EYA2: variants seen among roughly 807,000 people sequenced by gnomAD.
EYA2 encodes EYA transcriptional coactivator and phosphatase 2.
In EYA2, 31 loss-of-function variants were observed where a neutral mutation model predicts 69.2. The observed-to-expected ratio is 0.45, with a 90% CI of 0.34 to 0.60. The LOEUF is 0.60. Ranked by LOEUF, EYA2 falls within the 20% of genes least tolerant of loss-of-function variation. The probability of loss-of-function intolerance (pLI) is 0.02; values close to 1 mark genes in which losing one functional copy is unlikely to be tolerated. For missense variants in EYA2, 622 were observed against 701.2 expected, an observed-to-expected ratio of 0.89 and a Z score of 1.28; for synonymous variants, 257 against 279.4, an observed-to-expected ratio of 0.92 and a Z score of 0.80.
chr20:46,912,318 T>C (rs1431105417), intron 1 of EYA2, among the ~76,000 whole-genome samples: 4 of 152,242 alleles, frequency 2.6e-5, no homozygotes, highest in Non-Finnish European at 5.9e-5. Context: ...CCTAGGCTAG[T>C]ACTGTGTACG....
chr20:47,182,628 T>TCAAAAAAAAAAAAAAAAAAAAA lies in EYA2; in HGVS notation c.1436-663_1436-662insCAAAAAAAAAAAAAAAAAAAAA, dbSNP rs779945744. The stretch of plus-strand genomic sequence containing the variant: ...TGGGCAACAAGAACGAGACTCCGTC[T>TCAAAAAAAAAAAAAAAAAAAAA]AAAAAAAAAAAAAAAAGGTTAAGAT... On this transcript the variant is annotated intron_variant, in intron 14 of 15. Transcript: ENST00000327619. 1.2e-4 allele frequency among the ~76,000 whole-genome samples: 10 copies of TCAAAAAAAAAAAAAAAAAAAAA among 84,340 alleles called. 2 individuals carry two copies. Among genetic ancestry groups the TCAAAAAAAAAAAAAAAAAAAAA allele is most frequent in the Non-Finnish European group, 1.3e-4 (6 of 47,642 alleles). The allele number at this position is 84,340 out of a possible 152,430, so 55.3% of individuals were successfully genotyped here.
intron 5 of EYA2, among the ~76,000 whole-genome samples, chr20:47,058,404 A>AG (rs893325673): frequency 3.9e-5 from 6 of 152,228 alleles, no homozygotes; most frequent in Non-Finnish European, 8.8e-5. Flanking sequence ...ACTCTATCCC[A>AG]GGTCCCACTA....
chr20:47,142,434 A>G (rs1259109448), intron 9 of EYA2, among the ~76,000 whole-genome samples: 1 of 152,250 alleles, frequency 6.6e-6, no homozygotes, highest in Non-Finnish European at 1.5e-5. Context: ...TCTTGATGAC[A>G]GTTTCATATC....
chr20:46,917,795 G>A (rs1457191785), intron 1 of EYA2, among the ~76,000 whole-genome samples: 2 of 152,200 alleles, frequency 1.3e-5, no homozygotes, highest in Non-Finnish European at 1.5e-5. Flanking sequence ...AGCCTTTAGC[G>A]AGTTGTAGTC....
chr20:47,085,257 G>A (rs2031858275), intron 7 of EYA2, among the ~76,000 whole-genome samples: 1 of 152,100 alleles, frequency 6.6e-6, no homozygotes, highest in East Asian at 1.9e-4. Flanking sequence ...AGCCTTATTA[G>A]AACTGAAAAC....
At chr20:47,124,379 G>A (rs1034286785) in intron 9 of EYA2, among the ~76,000 whole-genome samples, 5 of 152,156 alleles carry the variant, frequency 3.3e-5, no homozygotes, top group Admixed American at 1.3e-4. Flanking sequence ...TATACATATA[G>A]TATCTTTTAA....
chr20:46,952,960 A>G (rs1294744219), intron 1 of EYA2, among the ~76,000 whole-genome samples: 1 of 152,230 alleles, frequency 6.6e-6, no homozygotes, highest in South Asian at 2.1e-4. Flanking sequence ...TTCCTGAAAC[A>G]TTCCTATTTC....
At chr20:47,106,948 A>G (rs143347762) in intron 9 of EYA2, among the ~76,000 whole-genome samples, 36 of 152,196 alleles carry the variant, frequency 2.4e-4, no homozygotes, top group African/African-American at 8.4e-4. Context: ...AGCGAACTGG[A>G]GTAGAAGGGA....
chr20:47,091,912 G>A (rs753391178), intron 8 of EYA2, among the ~76,000 whole-genome samples: 25 of 152,136 alleles, frequency 1.6e-4, no homozygotes, highest in East Asian at 3.8e-4. Flanking sequence ...CCTGTCCTTC[G>A]GTGTCCGATT....
chr20:47,005,493 G>T lies in EYA2; in HGVS notation c.298+409G>T, dbSNP rs116352116. Among the ~76,000 whole-genome samples the T allele has an allele frequency of 5.6e-3, 852 of 152,316 alleles. 10 individuals carry two copies. Among genetic ancestry groups the T allele is most frequent in the African/African-American group, 0.019 (797 of 41,584 alleles). On this transcript the variant is annotated intron_variant, in intron 4 of 15. Transcript: ENST00000327619. ...GATGGTGCCTGTCCACTCAAGGTTT[G>T]CATCCTTTTATCTCTGCATGCCCAG...
chr20:47,058,464 C>T (rs2030739719), intron 5 of EYA2, among the ~76,000 whole-genome samples: 2 of 152,198 alleles, frequency 1.3e-5, no homozygotes, highest in Middle Eastern at 3.4e-3. Context: ...GGTGCGAGGG[C>T]GTTTATGGCA....
intron 2 of EYA2, among the ~76,000 whole-genome samples, chr20:46,998,909 T>A (rs1475462249): frequency 6.6e-6 from 1 of 152,204 alleles, no homozygotes; most frequent in African/African-American, 2.4e-5. Context: ...TGTTTCTCGC[T>A]TGCACAGTCT....
chr20:46,953,849 A>G (rs1600576653), intron 1 of EYA2, among the ~76,000 whole-genome samples: 1 of 152,184 alleles, frequency 6.6e-6, no homozygotes, highest in Non-Finnish European at 1.5e-5. Context: ...AAGTAGGAGC[A>G]AAGGAGCTCT....
At chr20:46,953,942 C>T (rs1362583276) in intron 1 of EYA2, among the ~76,000 whole-genome samples, 1 of 152,222 alleles carries the variant, frequency 6.6e-6, no homozygotes, top group Non-Finnish European at 1.5e-5. Context: ...GCCTACAAGG[C>T]CCTGTGTGAG....
rs191445414 is a variant in EYA2 at position 47,072,271 on chromosome 20, C to A, written c.483+19C>A. 1,267 of 1,600,326 alleles carry A rather than the reference C, an allele frequency of 7.9e-4. 3 individuals carry two copies. The highest frequency in any genetic ancestry group is 6.7e-4 in the Non-Finnish European group (790 of 1,171,666). On this transcript the variant is annotated intron_variant, in intron 6 of 15. Coordinates refer to ENST00000327619, the MANE Select transcript of EYA2 (RefSeq NM_005244.5). The stretch of plus-strand genomic sequence containing the variant: ...GCACCAGGTAGACATGGCTCCCTCC[C>A]GATTCTTTCCTCAGTTCTTTCTGGA...
At chr20:47,066,805 C>A (rs1424476664) in intron 5 of EYA2, among the ~76,000 whole-genome samples, 1 of 152,220 alleles carries the variant, frequency 6.6e-6, no homozygotes, top group African/African-American at 2.4e-5. Flanking sequence ...CTGCCACCAT[C>A]ACCTTAAGAG....
intron 1 of EYA2, among the ~76,000 whole-genome samples, chr20:46,934,492 G>T (rs929788678): frequency 2.0e-5 from 3 of 152,096 alleles, no homozygotes; most frequent in African/African-American, 7.2e-5. Context: ...CAGTTAGGTC[G>T]TGGGCACATC....
chr20:46,978,355 C>A, intron 1 of EYA2: 1 of 343,512 alleles, frequency 2.9e-6, no homozygotes, highest in Non-Finnish European at 5.8e-6. Flanking sequence ...GGCCATGGGC[C>A]TGTGAAAGCT....
intron 1 of EYA2, among the ~76,000 whole-genome samples, chr20:46,931,735 C>T (rs1317242224): frequency 6.6e-6 from 1 of 152,094 alleles, no homozygotes; most frequent in African/African-American, 2.4e-5. Context: ...GCAGTCAAGC[C>T]CAGGGGTTGT....
Sources: allele counts gnomAD v4.1 joint callset (sites outside exome capture counted in the v4.1 genomes callset), GRCh38; gene constraint gnomAD v4.1.1; transcripts MANE v1.5; gene names NCBI Gene and HGNC (gene_info 2026-07-23, HGNC 2026-07-21).